The following PTK2B variants were observed in gnomAD, a reference collection of about 807,000 sequenced individuals.
PTK2B encodes protein-tyrosine kinase 2-beta.
A neutral mutation model predicts 142.9 loss-of-function variants in PTK2B; 71 were observed. The ratio of observed to expected loss-of-function variants is 0.50; its 90% CI spans 0.41 to 0.61. PTK2B has a LOEUF of 0.61. Ranked by LOEUF, PTK2B falls within the 20% of genes least tolerant of loss-of-function variation. The pLI is 0.00. For missense variants in PTK2B, 1,105 were observed against 1,320.4 expected, an observed-to-expected ratio of 0.84 and a Z score of 2.53; for synonymous variants, 519 against 503.4, an observed-to-expected ratio of 1.03 and a Z score of -0.42.
At chr8:27,348,519 G>A (rs147649717) in intron 1 of PTK2B, among the ~76,000 whole-genome samples, 15 of 152,220 alleles carry the variant, frequency 9.9e-5, no homozygotes, top group African/African-American at 2.2e-4. Flanking sequence ...CTTAGCAACC[G>A]GTAAGGGAAG....
In PTK2B at chr8:27,437,899, G is replaced by A. The variant is rs371373302; in HGVS notation, c.1643+19G>A. The A allele has an allele frequency of 8.2e-6, 13 of 1,590,524 alleles. No individual in the cohort carries two copies. Among genetic ancestry groups the A allele is most frequent in the Non-Finnish European group, 1.1e-5 (13 of 1,166,216 alleles). ...TGCACAGGTAGGGGTGGAGGGAGTG[G>A]CCAGCGGTATGGAAGCCAGGCCTTC... is the stretch of plus-strand genomic sequence containing the variant. On this transcript the variant is annotated intron_variant, in intron 18 of 30. Coordinates refer to ENST00000346049, the MANE Select transcript of PTK2B (RefSeq NM_173176.3).
chr8:27,322,556 TTATAGC>T (rs1803243511), upstream of PTK2B: 1 of 152,218 alleles, frequency 6.6e-6, no homozygotes, highest in Non-Finnish European at 1.5e-5. Context: ...TTTCTAAAAA[TTATAGC>T]TATAGAATTT....
chr8:27,440,592 T>C (rs966073505), intron 21 of PTK2B, 151 bp downstream of exon 21: 7 of 930,874 alleles, frequency 7.5e-6, no homozygotes, highest in African/African-American at 3.3e-5. Flanking sequence ...CTGTCAGATA[T>C]GAGCTCAGAG....
intron 30 of PTK2B, among the ~76,000 whole-genome samples, chr8:27,457,717 A>G (rs1812219115): frequency 6.6e-6 from 1 of 152,190 alleles, no homozygotes; most frequent in Non-Finnish European, 1.5e-5. Flanking sequence ...GCTCACGCCT[A>G]TAATCTCAGC....
chr8:27,398,166 T>C (rs1433057349), intron 2 of PTK2B, among the ~76,000 whole-genome samples: 1 of 152,244 alleles, frequency 6.6e-6, no homozygotes, highest in Non-Finnish European at 1.5e-5. Flanking sequence ...CACAAGTGAT[T>C]GCATTAAAAA....
chr8:27,385,401 T>C (rs1235647013), intron 1 of PTK2B, among the ~76,000 whole-genome samples: 1 of 152,238 alleles, frequency 6.6e-6, no homozygotes, highest in Non-Finnish European at 1.5e-5. Context: ...GAGTTGGCGA[T>C]AACTTTCTGT....
At chr8:27,342,346 G>A (rs1023136327) in intron 1 of PTK2B, among the ~76,000 whole-genome samples, 4 of 151,404 alleles carry the variant, frequency 2.6e-5, no homozygotes, top group Admixed American at 6.6e-5. Flanking sequence ...GAGTGCAGCA[G>A]TGTAATTATA....
chr8:27,324,273 T>C (rs573346554), upstream of PTK2B, among the ~76,000 whole-genome samples: 21 of 152,236 alleles, frequency 1.4e-4, no homozygotes, highest in African/African-American at 4.8e-4. Context: ...CAAGATTACC[T>C]CCAAAATGCT....
intron 1 of PTK2B, among the ~76,000 whole-genome samples, chr8:27,330,105 T>C (rs1418795950): frequency 6.6e-6 from 1 of 152,062 alleles, no homozygotes; most frequent in Non-Finnish European, 1.5e-5. Flanking sequence ...CGTGGACATA[T>C]CCAACGAGGA....
At chr8:27,370,756 C>G (rs1250968932) in intron 1 of PTK2B, among the ~76,000 whole-genome samples, 1 of 152,176 alleles carries the variant, frequency 6.6e-6, no homozygotes, top group East Asian at 1.9e-4. Context: ...ACTTCTCAGC[C>G]TGTGCATCAG....
At chr8:27,396,783 T>A (rs1808074431) in intron 1 of PTK2B, among the ~76,000 whole-genome samples, 1 of 152,216 alleles carries the variant, frequency 6.6e-6, no homozygotes, top group Non-Finnish European at 1.5e-5. Flanking sequence ...ATTCTTATCA[T>A]CTACATCTGT....
intron 5 of PTK2B, among the ~76,000 whole-genome samples, chr8:27,427,005 G>A (rs906309370): frequency 2.6e-5 from 4 of 152,152 alleles, no homozygotes; most frequent in African/African-American, 9.7e-5. Context: ...TTCAACAACA[G>A]ATCATAAGCC....
intron 1 of PTK2B, among the ~76,000 whole-genome samples, chr8:27,344,627 C>T (rs1209090604): frequency 6.6e-6 from 1 of 152,152 alleles, no homozygotes; most frequent in Non-Finnish European, 1.5e-5. Context: ...CACCCAGGAT[C>T]CCACCCCTCG....
At chr8:27,339,594 T>A (rs1586110786) in intron 1 of PTK2B, among the ~76,000 whole-genome samples, 2 of 152,084 alleles carry the variant, frequency 1.3e-5, no homozygotes, top group African/African-American at 4.8e-5. Context: ...GGCGAAAGCT[T>A]GAGAGATGAC....
Position 27,353,491 on chromosome 8 carries a change from A to C in PTK2B, c.-38+27810A>C, listed in dbSNP as rs80312654. On this transcript the variant is annotated intron_variant, in intron 1 of 30. Coordinates refer to ENST00000346049, the MANE Select transcript of PTK2B (RefSeq NM_173176.3). ...CAGCTTGGCCTAACTATGCCCTCAC[A>C]CGCTGATCTGTGAGTGTGAGTAAAC... Among the ~76,000 whole-genome samples the C allele has an allele frequency of 1.7e-3, 252 of 152,280 alleles. 8 individuals carry two copies. The East Asian group carries it at 0.045, about 27-fold the overall frequency.
intron 1 of PTK2B, among the ~76,000 whole-genome samples, chr8:27,375,974 G>C (rs1449349037): frequency 1.3e-5 from 2 of 152,246 alleles, no homozygotes; most frequent in African/African-American, 4.8e-5. Context: ...AAGAGTGGGA[G>C]GTTAGTCTGC....
chr8:27,320,159 G>C (rs149464392), intron 3 of PTK2B, among the ~76,000 whole-genome samples: 1,564 of 152,214 alleles, frequency 0.01, 35 homozygotes, highest in African/African-American at 0.035. Context: ...TAGGAAGCAC[G>C]TAGGGACTCT....
At chr8:27,394,937 G>A (rs188852756) in intron 1 of PTK2B, among the ~76,000 whole-genome samples, 37 of 152,048 alleles carry the variant, frequency 2.4e-4, no homozygotes, top group African/African-American at 2.4e-4. Context: ...ACTGTCTTCC[G>A]CCTCCACATC....
chr8:27,407,703 C>A (rs182603764), intron 2 of PTK2B, among the ~76,000 whole-genome samples: 9 of 152,270 alleles, frequency 5.9e-5, no homozygotes, highest in Admixed American at 5.2e-4. Context: ...GCCCAAGGAC[C>A]CCGAACTCCA....
Sources: gnomAD v4.1 joint callset for allele counts (sites outside exome capture counted in the v4.1 genomes callset) on GRCh38, gnomAD v4.1.1 for gene constraint, MANE v1.5 for transcripts, NCBI Gene and HGNC (gene_info 2026-07-23, HGNC 2026-07-21) for gene names.